Variants in DNER observed in about 807,000 individuals in gnomAD.
The protein encoded by DNER is delta/notch like EGF repeat containing.
DNER carries 33 observed loss-of-function variants against 78.2 expected under a neutral mutation model. The observed-to-expected ratio is 0.42, with a 90% confidence interval of 0.32 to 0.56. The LOEUF (loss-of-function observed/expected upper bound fraction) is 0.56, where lower values mean the gene tolerates loss of function less well. Ranked by LOEUF, DNER falls within the 20% of genes least tolerant of loss-of-function variation. The pLI, the probability that DNER is intolerant of heterozygous loss-of-function variation, is 0.11. For missense variants in DNER, 918 were observed against 975.3 expected (o/e 0.94, Z 0.78); for synonymous variants, 417 against 384.8 (o/e 1.08, Z -0.98).
intron 6 of DNER, among the ~76,000 whole-genome samples, chr2:229,508,042 C>G (rs2154212170): frequency 6.6e-6 from 1 of 152,116 alleles, no homozygotes; most frequent in East Asian, 1.9e-4. Flanking sequence ...CACACACACA[C>G]AGATAATGGC....
intron 4 of DNER, among the ~76,000 whole-genome samples, chr2:229,575,647 G>A (rs1184345031): frequency 4.6e-5 from 7 of 152,176 alleles, no homozygotes; most frequent in South Asian, 2.1e-4. Flanking sequence ...CAACACCACC[G>A]CAGCCTGGGA....
At chr2:229,366,515 T>C (rs950765909) in intron 12 of DNER, among the ~76,000 whole-genome samples, 3 of 152,232 alleles carry the variant, frequency 2.0e-5, no homozygotes, top group African/African-American at 7.2e-5. Flanking sequence ...AAATCATTTA[T>C]ATGTTGACTG....
chr2:229,492,153 C>T lies in DNER; in HGVS notation c.1148-14900G>A, dbSNP rs903068673. 2.6e-5 allele frequency among the ~76,000 whole-genome samples: 4 copies of T among 152,288 alleles called. No individual in the cohort carries two copies. In the South Asian group the frequency reaches 8.3e-4, roughly 32 times the overall value. On this transcript the variant is annotated intron_variant, in intron 6 of 12. Transcript: ENST00000341772. ...TCTCAGCACCCAGAAAAATCCCTGG[C>T]ACATAGTACACATTCAGTAAATAAT...
chr2:229,546,247 G>A (rs569137836), intron 5 of DNER, among the ~76,000 whole-genome samples: 5 of 152,156 alleles, frequency 3.3e-5, no homozygotes, highest in Non-Finnish European at 5.9e-5. Context: ...CATCCCAGTG[G>A]TTTTAATTCC....
intron 8 of DNER, among the ~76,000 whole-genome samples, chr2:229,423,137 G>A (rs552049932): frequency 6.6e-6 from 1 of 152,202 alleles, no homozygotes; most frequent in Non-Finnish European, 1.5e-5. Flanking sequence ...ATTTAGGAGG[G>A]TGGGAGAGGG....
At chr2:229,390,850 T>C (rs969381308) in intron 10 of DNER, among the ~76,000 whole-genome samples, 1 of 152,254 alleles carries the variant, frequency 6.6e-6, no homozygotes, top group South Asian at 2.1e-4. Flanking sequence ...TTTATTCTAA[T>C]GGCCTCTTTT....
At chr2:229,642,917 G>A (rs1698652443) in intron 1 of DNER, among the ~76,000 whole-genome samples, 1 of 152,124 alleles carries the variant, frequency 6.6e-6, no homozygotes, top group Non-Finnish European at 1.5e-5. Context: ...CATAGAATAT[G>A]GAAGCTTAAA....
chr2:229,713,721 T>C (rs980008125), intron 1 of DNER, among the ~76,000 whole-genome samples: 1 of 151,824 alleles, frequency 6.6e-6, no homozygotes, highest in South Asian at 2.1e-4. Context: ...ACACACAGGG[T>C]CCAGCCGGAC....
chr2:229,530,115 CA>C (rs1189379018), intron 5 of DNER, among the ~76,000 whole-genome samples: 3 of 150,816 alleles, frequency 2.0e-5, no homozygotes, highest in African/African-American at 4.9e-5. Flanking sequence ...AGAGAAAAAG[CA>C]AAAAAAAATT....
chr2:229,570,287 T>C (rs1457556364), intron 4 of DNER, among the ~76,000 whole-genome samples: 1 of 152,212 alleles, frequency 6.6e-6, no homozygotes, highest in African/African-American at 2.4e-5. Context: ...CTGCATTCAT[T>C]GTGCCTACAT....
At chr2:229,531,596 T>C (rs184333832) in intron 5 of DNER, among the ~76,000 whole-genome samples, 554 of 152,284 alleles carry the variant, frequency 3.6e-3, no homozygotes, top group Non-Finnish European at 6.0e-3. Flanking sequence ...GAAAAACACT[T>C]TGGTAACTCC....
At chr2:229,510,005 G>A (rs1291644918) in intron 6 of DNER, among the ~76,000 whole-genome samples, 2 of 152,142 alleles carry the variant, frequency 1.3e-5, no homozygotes, top group African/African-American at 4.8e-5. Context: ...ATTTAATAGA[G>A]GCCTGAAACA....
intron 4 of DNER, among the ~76,000 whole-genome samples, chr2:229,547,474 T>G (rs544917960): frequency 1.3e-5 from 2 of 152,276 alleles, no homozygotes; most frequent in African/African-American, 4.8e-5. Flanking sequence ...GGAACCCCAG[T>G]CTTCTACCAG....
chr2:229,513,471 T>A (rs776005036), intron 5 of DNER, among the ~76,000 whole-genome samples: 16 of 152,102 alleles, frequency 1.1e-4, no homozygotes, highest in Non-Finnish European at 1.8e-4. Context: ...ATAAAAGGAG[T>A]ATAATTCAAG....
At chr2:229,398,243 A>G (rs1693192453) in intron 10 of DNER, among the ~76,000 whole-genome samples, 1 of 152,146 alleles carries the variant, frequency 6.6e-6, no homozygotes, top group Non-Finnish European at 1.5e-5. Flanking sequence ...TTACAACTCC[A>G]CAGGTAAATT....
chr2:229,511,099 T>C (rs866101472), intron 6 of DNER, among the ~76,000 whole-genome samples: 1 of 152,184 alleles, frequency 6.6e-6, no homozygotes, highest in Admixed American at 6.5e-5. Flanking sequence ...ATTTCACTTT[T>C]ATAAATTTCT....
chr2:229,636,026 G>T (rs1698525867), intron 1 of DNER, among the ~76,000 whole-genome samples: 1 of 152,082 alleles, frequency 6.6e-6, no homozygotes, highest in African/African-American at 2.4e-5. Context: ...TTTGGCCATG[G>T]TTACAAACTC....
At chr2:229,413,444 C>A (rs943663447) in intron 9 of DNER, among the ~76,000 whole-genome samples, 1 of 150,124 alleles carries the variant, frequency 6.7e-6, no homozygotes, top group African/African-American at 2.5e-5. Flanking sequence ...TGCCTCAGCC[C>A]CCTGAGTAGC....
In DNER at chr2:229,367,107, T is replaced by G; in HGVS notation, c.1868A>C (p.Lys623Thr). 6.2e-7 allele frequency: 1 copy of G among 1,614,146 alleles called. No homozygotes were observed. The highest frequency in any genetic ancestry group is 1.1e-5 in the South Asian group (1 of 91,068). The change falls in exon 12 of 13, where the codon AAG (lysine) becomes ACG (threonine). Residue 623 changes from lysine (K) to threonine (T), a missense_variant. Coordinates refer to ENST00000341772, the MANE Select transcript of DNER (RefSeq NM_139072.4). ...GAGGCTCTCCGCCATGTGCCCGGAC[T>G]TCCATTGGAGGTCTGCAGGCAAAAA... ...GANCEIHLQW[K>T]SGHMAESLTN...
Sources: gnomAD v4.1 joint callset for allele counts (sites outside exome capture counted in the v4.1 genomes callset) on GRCh38, gnomAD v4.1.1 for gene constraint, MANE v1.5 for transcripts, NCBI Gene and HGNC (gene_info 2026-07-23, HGNC 2026-07-21) for gene names.